The following SUFU variants were observed in gnomAD, a reference collection of about 807,000 sequenced individuals.
SUFU encodes suppressor of fused homolog.
In SUFU, 7 loss-of-function variants were observed where a neutral mutation model predicts 58.9. That is an observed-to-expected ratio of 0.12 (90% CI 0.07 to 0.22). The LOEUF (loss-of-function observed/expected upper bound fraction) is 0.22, where lower values mean the gene tolerates loss of function less well. SUFU is among the 10% of genes least tolerant of loss of function. The probability of loss-of-function intolerance (pLI) is 1.00; values close to 1 mark genes in which losing one functional copy is unlikely to be tolerated. For synonymous variants in SUFU, 232 were observed against 254.8 expected, an observed-to-expected ratio of 0.91 and a Z score of 0.85; for missense variants, 451 against 641.3, an observed-to-expected ratio of 0.70 and a Z score of 3.20.
chr10:102,589,153 G>T (rs769021487), intron 3 of SUFU, among the ~76,000 whole-genome samples: 40 of 152,006 alleles, frequency 2.6e-4, no homozygotes, highest in Non-Finnish European at 5.0e-4. Context: ...GTCTCTAACT[G>T]CCAGGCTCAA....
chr10:102,563,853 G>A (rs959527361), intron 3 of SUFU, among the ~76,000 whole-genome samples: 4 of 151,608 alleles, frequency 2.6e-5, no homozygotes, highest in African/African-American at 9.7e-5. Context: ...TGGCTCTTAC[G>A]CAGAAGGGAC....
intron 3 of SUFU, among the ~76,000 whole-genome samples, chr10:102,563,321 T>A (rs2063057471): frequency 6.6e-6 from 1 of 152,112 alleles, no homozygotes; most frequent in Non-Finnish European, 1.5e-5. Flanking sequence ...AATATTTGAT[T>A]CCATAAGATC....
At chr10:102,545,104 GT>G (rs1205229037) in intron 2 of SUFU, among the ~76,000 whole-genome samples, 1 of 151,158 alleles carries the variant, frequency 6.6e-6, no homozygotes, top group Non-Finnish European at 1.5e-5. Flanking sequence ...ATGTGAACAG[GT>G]TTTCTTTTTT....
chr10:102,593,329 G>A (rs1167374025), intron 4 of SUFU, among the ~76,000 whole-genome samples: 1 of 152,180 alleles, frequency 6.6e-6, no homozygotes. Context: ...GACATGGCCT[G>A]AGGACACATC....
chr10:102,548,184 G>A (rs574961557), intron 2 of SUFU, among the ~76,000 whole-genome samples: 1 of 151,748 alleles, frequency 6.6e-6, no homozygotes, highest in South Asian at 2.1e-4. Flanking sequence ...GAGAGATAGA[G>A]AGATAGATAG....
intron 9 of SUFU, among the ~76,000 whole-genome samples, chr10:102,616,376 T>A (rs2063686977): frequency 6.6e-6 from 1 of 152,178 alleles, no homozygotes; most frequent in African/African-American, 2.4e-5. Context: ...ACTTGGGGAC[T>A]CCCCACTGTC....
rs769936293 is a variant in SUFU, at chr10:102,619,103, G to A, written c.1296+1675G>A. On this transcript the variant is annotated intron_variant, in intron 10 of 11. Coordinates refer to ENST00000369902, the MANE Select transcript of SUFU (RefSeq NM_016169.4). The surrounding 1 kb of genome is among the most constrained non-coding windows in gnomAD (Gnocchi z 4.2). Reference sequence around the variant, plus strand: ...CCTCGGAGCTCTGCCCTCCCGTCCTGGAACGTCTTTCTGCCCTGAGGAGAG... The same window carrying A: ...CCTCGGAGCTCTGCCCTCCCGTCCTAGAACGTCTTTCTGCCCTGAGGAGAG... The A allele has an allele frequency of 6.2e-7, 1 of 1,612,738 alleles. No homozygotes were observed. Among genetic ancestry groups the A allele is most frequent in the South Asian group, 1.1e-5 (1 of 91,080 alleles).
intron 3 of SUFU, among the ~76,000 whole-genome samples, chr10:102,589,637 G>A (rs1377556940): frequency 2.6e-5 from 4 of 151,370 alleles, no homozygotes; most frequent in Non-Finnish European, 5.9e-5. Context: ...GTAGAGACAG[G>A]GTTTCACCAT....
chr10:102,607,972 A>C lies in SUFU; in HGVS notation c.1023-7296A>C, dbSNP rs770741273. Reference sequence around the variant, plus strand: ...AAACACCGGGGAAAGTTTATTTAAAATATCAAGGATGGGAGGCTGAGGTGG... The same window carrying C: ...AAACACCGGGGAAAGTTTATTTAAACTATCAAGGATGGGAGGCTGAGGTGG... On this transcript the variant is annotated intron_variant, in intron 8 of 11. Coordinates refer to ENST00000369902, the MANE Select transcript of SUFU (RefSeq NM_016169.4). Among the ~76,000 whole-genome samples, 76 of 151,906 alleles carry C rather than the reference A, an allele frequency of 5.0e-4. 1 individual carries two copies. The highest frequency in any genetic ancestry group is 1.5e-3 in the South Asian group (7 of 4,810).
chr10:102,577,044 A>C (rs1254860900), intron 3 of SUFU, among the ~76,000 whole-genome samples: 1 of 151,840 alleles, frequency 6.6e-6, no homozygotes, highest in Non-Finnish European at 1.5e-5. Flanking sequence ...CTTCAGGAAG[A>C]AGATGGGAGG....
At chr10:102,575,777 T>A (rs889835013) in intron 3 of SUFU, among the ~76,000 whole-genome samples, 2 of 152,188 alleles carry the variant, frequency 1.3e-5, no homozygotes, top group Non-Finnish European at 2.9e-5. Flanking sequence ...TGGTGCCACA[T>A]AGCAGAGGGG....
intron 8 of SUFU, among the ~76,000 whole-genome samples, chr10:102,604,077 T>C (rs1454668712): frequency 6.6e-6 from 1 of 152,198 alleles, no homozygotes; most frequent in Non-Finnish European, 1.5e-5. Flanking sequence ...GTCAGCGCAG[T>C]GGCCAGCCTG....
intron 8 of SUFU, among the ~76,000 whole-genome samples, chr10:102,611,984 C>G (rs143604876): frequency 6.6e-6 from 1 of 152,336 alleles, no homozygotes; most frequent in South Asian, 2.1e-4. Context: ...AACAGCCCAG[C>G]TGAAAAATTA....
rs2063828332 is a variant in SUFU, at chr10:102,630,461, C to G, written c.*306C>G. On this transcript the variant is annotated 3_prime_UTR_variant, in exon 12 of 12. Coordinates refer to ENST00000369902, the MANE Select transcript of SUFU (RefSeq NM_016169.4). The stretch of plus-strand genomic sequence containing the variant: ...TCTGGTTTGAGGTTTGACTCTGGAC[C>G]CTGGCTGTGCCCCTAGGTGGAGACA... 2.1e-6 allele frequency: 1 copy of G among 477,396 alleles called. No individual in the cohort carries two copies. The highest frequency in any genetic ancestry group is 1.9e-5 in the African/African-American group (1 of 51,824). 29.6% of individuals were successfully genotyped at this position (477,396 alleles called of 1,614,324 possible). A position where few individuals can be genotyped will look rare whatever the true frequency, so the allele number is the denominator to read the frequency against.
chr10:102,623,146 C>T (rs948234026), intron 10 of SUFU, among the ~76,000 whole-genome samples: 2 of 152,180 alleles, frequency 1.3e-5, no homozygotes, highest in African/African-American at 4.8e-5. Context: ...TCCTCTCTTA[C>T]TAGAGGGTCT....
At chr10:102,612,191 G>GTA (rs1554854158) in intron 8 of SUFU, among the ~76,000 whole-genome samples, 1 of 102,128 alleles carries the variant, frequency 9.8e-6, no homozygotes, top group Non-Finnish European at 2.1e-5. Flanking sequence ...GTGTGTGTGT[G>GTA]TGTGTGTGTG....
intron 3 of SUFU, among the ~76,000 whole-genome samples, chr10:102,584,271 G>A (rs549636029): frequency 6.6e-6 from 1 of 152,328 alleles, no homozygotes; most frequent in South Asian, 2.1e-4. Flanking sequence ...ACCAGCAGGC[G>A]ATTTCAGCTG....
chr10:102,525,050 T>C (rs956338684), intron 2 of SUFU, among the ~76,000 whole-genome samples: 1 of 152,210 alleles, frequency 6.6e-6, no homozygotes, highest in Non-Finnish European at 1.5e-5. Flanking sequence ...AACCCTTCTG[T>C]GGGAGGAGGT....
intron 3 of SUFU, among the ~76,000 whole-genome samples, chr10:102,569,182 G>A (rs1239870971): frequency 6.6e-6 from 1 of 151,672 alleles, no homozygotes. Context: ...GGGTCACAAG[G>A]TCCGCAGATT....
Sources: allele counts gnomAD v4.1 joint callset (sites outside exome capture counted in the v4.1 genomes callset), GRCh38; gene constraint gnomAD v4.1.1; non-coding constraint Gnocchi (gnomAD v3.1); transcripts MANE v1.5; gene names NCBI Gene and HGNC (gene_info 2026-07-23, HGNC 2026-07-21).